The following MREG variants were observed in gnomAD, a reference collection of about 807,000 sequenced individuals.
MREG encodes the protein melanoregulin.
A neutral mutation model predicts 28.5 loss-of-function variants in MREG; 31 were observed. The ratio of observed to expected loss-of-function variants is 1.09; its 90% CI spans 0.82 to 1.47. The LOEUF (loss-of-function observed/expected upper bound fraction) is 1.47. Ranked by LOEUF, MREG falls within the 40% of genes most tolerant of loss-of-function variation. The probability of loss-of-function intolerance (pLI) is 0.00; values close to 1 mark genes in which losing one functional copy is unlikely to be tolerated. For synonymous variants in MREG, 106 were observed against 95.2 expected, an observed-to-expected ratio of 1.11 and a Z score of -0.66; for missense variants, 256 against 257.4, an observed-to-expected ratio of 0.99 and a Z score of 0.04.
chr2:215,988,658 G>C (rs528809102), intron 2 of MREG, among the ~76,000 whole-genome samples: 1 of 152,346 alleles, frequency 6.6e-6, no homozygotes, highest in African/African-American at 2.4e-5. Context: ...AATTCTCGCT[G>C]CCAGCACAGC....
At chr2:215,953,265 C>G (rs780161730) in intron 2 of MREG, among the ~76,000 whole-genome samples, 35 of 152,378 alleles carry the variant, frequency 2.3e-4, no homozygotes, top group East Asian at 1.2e-3. Context: ...CAGTTATAGT[C>G]TTAGCTCTCA....
At chr2:215,977,333 T>C (rs996627238) in intron 2 of MREG, among the ~76,000 whole-genome samples, 1 of 152,156 alleles carries the variant, frequency 6.6e-6, no homozygotes, top group African/African-American at 2.4e-5. Flanking sequence ...GAACTAACTA[T>C]CCTAAATATA....
chr2:216,007,460 C>T (rs1482885571), intron 1 of MREG, among the ~76,000 whole-genome samples: 4 of 148,926 alleles, frequency 2.7e-5, no homozygotes, highest in South Asian at 2.1e-4. Context: ...GATGGAGTCT[C>T]GCTCTGTCAC....
chr2:215,990,190 C>T (rs541580968), intron 2 of MREG, among the ~76,000 whole-genome samples: 43 of 152,162 alleles, frequency 2.8e-4, no homozygotes, highest in Non-Finnish European at 5.1e-4. Context: ...AGACTAACAG[C>T]GGATCTCTCT....
intron 1 of MREG, among the ~76,000 whole-genome samples, chr2:215,998,715 G>A (rs536662968): frequency 7.9e-5 from 12 of 152,294 alleles, no homozygotes; most frequent in African/African-American, 2.9e-4. Flanking sequence ...ATGCCTTTGG[G>A]CCCTGCCCAT....
chr2:215,957,078 T>G (rs1338942514), intron 2 of MREG, among the ~76,000 whole-genome samples: 1 of 151,896 alleles, frequency 6.6e-6, no homozygotes, highest in Non-Finnish European at 1.5e-5. Flanking sequence ...CACTGCCTGT[T>G]AGAACAGGAC....
At chr2:216,002,901 C>CTTCTCTCT (rs1694055288) in intron 1 of MREG, among the ~76,000 whole-genome samples, 1 of 150,072 alleles carries the variant, frequency 6.7e-6, no homozygotes, top group African/African-American at 2.5e-5. Flanking sequence ...TTCTGTCTCT[C>CTTCTCTCT]TTCTCTCTTT....
At chr2:215,979,978 C>CAA (rs5838560) in intron 2 of MREG, among the ~76,000 whole-genome samples, 12,299 of 143,190 alleles carry the variant, frequency 0.086, 768 homozygotes, top group East Asian at 0.29. Context: ...AACAAACAAA[C>CAA]AAAAAAAAAA....
intron 2 of MREG, among the ~76,000 whole-genome samples, chr2:215,952,979 C>A (rs900281876): frequency 1.3e-5 from 2 of 152,142 alleles, no homozygotes; most frequent in African/African-American, 4.8e-5. Flanking sequence ...TTCTCTCTCT[C>A]CCCCTCTCTC....
chr2:216,012,856 A>G (rs1250300906), intron 1 of MREG, among the ~76,000 whole-genome samples: 1 of 152,192 alleles, frequency 6.6e-6, no homozygotes, highest in Non-Finnish European at 1.5e-5. Flanking sequence ...ACAGAAATCC[A>G]CAGTCGCCCG....
At chr2:215,985,150 G>C (rs1164279970) in intron 2 of MREG, among the ~76,000 whole-genome samples, 2 of 152,192 alleles carry the variant, frequency 1.3e-5, no homozygotes, top group Non-Finnish European at 2.9e-5. Flanking sequence ...GGTTAGAACA[G>C]TGCCTGGCAC....
chr2:216,030,345 C>T (rs562284073), intron 1 of MREG, among the ~76,000 whole-genome samples: 1 of 152,270 alleles, frequency 6.6e-6, no homozygotes, highest in East Asian at 1.9e-4. Flanking sequence ...TCCAATGCCA[C>T]TTCTGCCATG....
intron 2 of MREG, among the ~76,000 whole-genome samples, chr2:215,969,250 A>G (rs967393780): frequency 1.3e-5 from 2 of 152,186 alleles, no homozygotes; most frequent in South Asian, 2.1e-4. Context: ...TAATTGTATT[A>G]GTTTCCTGGT....
chr2:216,019,630 G>C (rs985652696), intron 1 of MREG, among the ~76,000 whole-genome samples: 54 of 151,260 alleles, frequency 3.6e-4, no homozygotes, highest in African/African-American at 1.3e-3. Flanking sequence ...TCAGCCTCCC[G>C]AGTAGCTGGG....
downstream of MREG, among the ~76,000 whole-genome samples, chr2:215,941,416 C>T (rs755222432): frequency 2.6e-5 from 4 of 152,210 alleles, no homozygotes; most frequent in Non-Finnish European, 4.4e-5. Context: ...CCATATGCCC[C>T]TCACTCCAAA....
At chr2:216,005,861 A>AAG in intron 1 of MREG, among the ~76,000 whole-genome samples, 1 of 146,444 alleles carries the variant, frequency 6.8e-6, no homozygotes, top group South Asian at 2.2e-4. Context: ...AAAAAAAAAA[A>AAG]GCTAAGTAAG....
rs1018993999 is a variant in MREG, at chr2:215,943,281, T to G, written c.*1582A>C. On this transcript the variant is annotated 3_prime_UTR_variant, in exon 5 of 5. Coordinates refer to ENST00000263268, the MANE Select transcript of MREG (RefSeq NM_018000.3). Reference sequence around the variant, plus strand: ...TCTCTTGACAAGTTCCTTGCTTAAGTGGCAAGTAACTTTTGAAGCTGGACT... The same window carrying G: ...TCTCTTGACAAGTTCCTTGCTTAAGGGGCAAGTAACTTTTGAAGCTGGACT... 7.4e-5 allele frequency: 28 copies of G among 377,478 alleles called. No individual in the cohort carries two copies. The Admixed American group carries it at 7.9e-4, about 11-fold the overall frequency. 23.4% of individuals were successfully genotyped at this position (377,478 alleles called of 1,614,324 possible).
At chr2:215,949,045 C>T (rs1277846067) in intron 2 of MREG, among the ~76,000 whole-genome samples, 1 of 105,202 alleles carries the variant, frequency 9.5e-6, no homozygotes, top group Non-Finnish European at 2.0e-5. Flanking sequence ...TCTACTACTA[C>T]TACTACTACT....
chr2:215,970,599 G>A (rs1378587431), intron 2 of MREG, among the ~76,000 whole-genome samples: 2 of 152,178 alleles, frequency 1.3e-5, no homozygotes, highest in African/African-American at 4.8e-5. Context: ...ATGCACAAGG[G>A]CAGCAGGGAA....
Sources: gnomAD v4.1 joint callset for allele counts (sites outside exome capture counted in the v4.1 genomes callset) on GRCh38, gnomAD v4.1.1 for gene constraint, MANE v1.5 for transcripts, NCBI Gene and HGNC (gene_info 2026-07-23, HGNC 2026-07-21) for gene names.